The following N4BP2L2 variants were observed in gnomAD, a reference collection of about 807,000 sequenced individuals.
The protein encoded by N4BP2L2 is NEDD4 binding protein 2 like 2.
N4BP2L2 carries 50 observed loss-of-function variants against 56.2 expected under a neutral mutation model. The ratio of observed to expected loss-of-function variants is 0.89; its 90% CI spans 0.71 to 1.13. N4BP2L2 has a LOEUF of 1.13. N4BP2L2 is among the 50% of genes most tolerant of loss of function. The pLI is 0.00. For missense variants in N4BP2L2, 689 were observed against 693.8 expected, an observed-to-expected ratio of 0.99 and a Z score of 0.08; for synonymous variants, 203 against 223.6, an observed-to-expected ratio of 0.91 and a Z score of 0.82.
At chr13:32,438,719 T>G (rs756670041) in exon 8 of N4BP2L2, 1 of 1,609,294 alleles carries the variant, frequency 6.2e-7, no homozygotes, top group Non-Finnish European at 8.5e-7. Context: ...AACCACATAG[T>G]CATCAGGCAA....
At chr13:32,507,902 A>C (rs1020314391), downstream of N4BP2L2, 1 of 152,198 alleles carries the variant, frequency 6.6e-6, no homozygotes, top group African/African-American at 2.4e-5. Context: ...ATGAGAAATG[A>C]TGAGACCACA....
chr13:32,446,537 C>T (rs1018376450), intron 6 of N4BP2L2: 44 of 1,291,768 alleles, frequency 3.4e-5, no homozygotes, highest in Non-Finnish European at 3.6e-5. Context: ...GTTATTCATT[C>T]GATTAAATGG....
chr13:32,461,452 TA>T, intron 6 of N4BP2L2, among the ~76,000 whole-genome samples: 1 of 152,022 alleles, frequency 6.6e-6, no homozygotes, highest in Admixed American at 6.6e-5. Context: ...ACAATCTCAT[TA>T]AAAAGTGGGC....
At chr13:32,436,385 A>G in exon 9 of N4BP2L2, 1 of 1,235,346 alleles carries the variant, frequency 8.1e-7, no homozygotes, top group Non-Finnish European at 1.1e-6. Context: ...TCATTTTTCA[A>G]CCAATCTTCT....
intron 2 of N4BP2L2, among the ~76,000 whole-genome samples, chr13:32,529,775 G>A (rs2054144659): frequency 6.6e-6 from 1 of 151,134 alleles, no homozygotes; most frequent in Middle Eastern, 3.2e-3. Flanking sequence ...GCCCAGGCTG[G>A]AGTGCAGTGG....
intron 6 of N4BP2L2, among the ~76,000 whole-genome samples, chr13:32,463,482 G>A (rs75886982): frequency 2.6e-5 from 4 of 152,024 alleles, no homozygotes; most frequent in South Asian, 2.1e-4. Flanking sequence ...TGGCCAACAT[G>A]GTGAAACCCC....
chr13:32,438,231 G>C (rs2075746411), intron 8 of N4BP2L2, among the ~76,000 whole-genome samples: 1 of 152,052 alleles, frequency 6.6e-6, no homozygotes, highest in South Asian at 2.1e-4. Context: ...ACCATAGCTT[G>C]TACAATGGAA....
intron 2 of N4BP2L2, among the ~76,000 whole-genome samples, chr13:32,531,197 G>A (rs1417529265): frequency 1.3e-5 from 2 of 152,122 alleles, no homozygotes; most frequent in Non-Finnish European, 2.9e-5. Flanking sequence ...CTGAACCAAA[G>A]GCACCCAGGT....
At chr13:32,537,141 G>A in intron 1 of N4BP2L2, 114 bp from the exon 2 acceptor site, 7 of 756,478 alleles carry the variant, frequency 9.3e-6, no homozygotes, top group East Asian at 3.1e-5. Flanking sequence ...TATATTTAAT[G>A]GTAACAATTT....
At chr13:32,476,386 A>G (rs562212722) in intron 6 of N4BP2L2, among the ~76,000 whole-genome samples, 2 of 152,322 alleles carry the variant, frequency 1.3e-5, no homozygotes, top group East Asian at 3.9e-4. Context: ...CCCTCCAACC[A>G]AAACTGCAAG....
chr13:32,450,874 C>G (rs1334096296), intron 6 of N4BP2L2, among the ~76,000 whole-genome samples: 3 of 114,628 alleles, frequency 2.6e-5, no homozygotes, highest in African/African-American at 1.0e-4. Flanking sequence ...ATCCCCTTCT[C>G]TCTCTCTCTC....
chr13:32,453,898 T>A (rs1224006265), intron 6 of N4BP2L2, among the ~76,000 whole-genome samples: 1 of 152,212 alleles, frequency 6.6e-6, no homozygotes, highest in Non-Finnish European at 1.5e-5. Context: ...TAGGGGGCAT[T>A]TGTGGAATAT....
exon 2 of N4BP2L2, chr13:32,536,706 G>C (rs774181600): frequency 5.0e-6 from 8 of 1,614,064 alleles, no homozygotes; most frequent in South Asian, 1.1e-5. Flanking sequence ...GATACTAATG[G>C]AGGACGTGCT....
chr13:32,442,355 A>G, intron 7 of N4BP2L2: 1 of 1,485,926 alleles, frequency 6.7e-7, no homozygotes, highest in Non-Finnish European at 9.0e-7. Flanking sequence ...GTTAAACTGG[A>G]TCTTTTACTT....
intron 6 of N4BP2L2, among the ~76,000 whole-genome samples, chr13:32,452,111 G>C (rs1435523893): frequency 6.7e-6 from 1 of 149,886 alleles, no homozygotes; most frequent in African/African-American, 2.5e-5. Flanking sequence ...GCCCAGGCTG[G>C]AGTGCAATGG....
In N4BP2L2 at chr13:32,477,827, T is replaced by C. The variant is rs150607646; in HGVS notation, c.366-33701A>G. ...CAGCTGAGAAATACTCAGCGGATTA[T>C]TGGCATAGTTGTTTGCACTGGATTT... On this transcript the variant is annotated intron_variant, in intron 6 of 9. Transcript: ENST00000357505. 4.8e-5 allele frequency: 60 copies of C among 1,261,966 alleles called. 1 individual carries two copies. In the Middle Eastern group the frequency reaches 8.7e-4, roughly 18 times the overall value. The allele number at this position is 1,261,966 out of a possible 1,614,324, so 78.2% of individuals were successfully genotyped here.
At chr13:32,453,299 G>A (rs1349567207) in intron 6 of N4BP2L2, among the ~76,000 whole-genome samples, 1 of 152,028 alleles carries the variant, frequency 6.6e-6, no homozygotes, top group Non-Finnish European at 1.5e-5. Flanking sequence ...AGCAAAAATG[G>A]TTGAGTAACA....
At chr13:32,494,587 C>T (rs1301214442) in intron 6 of N4BP2L2, among the ~76,000 whole-genome samples, 3 of 151,770 alleles carry the variant, frequency 2.0e-5, no homozygotes, top group Non-Finnish European at 2.9e-5. Context: ...CACGGTGAAA[C>T]CCCGTCTCTA....
chr13:32,538,759 T>C, exon 1 of N4BP2L2: 1 of 985,402 alleles, frequency 1.0e-6, no homozygotes, highest in Non-Finnish European at 1.2e-6. Flanking sequence ...CCTCTCAGAA[T>C]CGCGGTAACA....
Sources: allele counts gnomAD v4.1 joint callset (sites outside exome capture counted in the v4.1 genomes callset), GRCh38; gene constraint gnomAD v4.1.1; transcripts MANE v1.5; gene names NCBI Gene and HGNC (gene_info 2026-07-23, HGNC 2026-07-21).